IGSF8: variants seen among roughly 807,000 people sequenced by gnomAD.
IGSF8 encodes the protein CD81 partner 3.
In IGSF8, 46 loss-of-function variants were observed where a neutral mutation model predicts 55.5. The observed-to-expected ratio is 0.83, with a 90% CI of 0.65 to 1.06. The LOEUF (loss-of-function observed/expected upper bound fraction) is 1.06, where lower values mean the gene tolerates loss of function less well. Ranked by LOEUF, IGSF8 falls within the 50% of genes least tolerant of loss-of-function variation. The pLI is 0.00. For synonymous variants in IGSF8, 314 were observed against 356.1 expected (o/e 0.88, Z 1.33); for missense variants, 731 against 832.3 (o/e 0.88, Z 1.50).
Position 160,093,184 on chromosome 1 carries a change from C to T in IGSF8, c.1052G>A (p.Gly351Glu), listed in dbSNP as rs749719696. 1 of 1,613,644 alleles carries T rather than the reference C, an allele frequency of 6.2e-7. No individual in the cohort carries two copies. The highest frequency in any genetic ancestry group is 1.1e-5 in the South Asian group (1 of 91,010). The change falls in exon 4 of 7, where the codon GGG becomes GAG. Residue 351 changes from glycine to glutamate, a missense_variant. Coordinates refer to ENST00000314485, the MANE Select transcript of IGSF8 (RefSeq NM_052868.6). ...TACCAGGCGGCCGGGCCCAGGTGCC[C>T]CCGCAGGTGCCATCTCCCAACCTAC... is the stretch of plus-strand genomic sequence containing the variant. ...YSVGWEMAPA[G>E]APGPGRLVAQ...
At chr1:160,098,029 C>T (rs1570967641) in intron 1 of IGSF8, 1 of 973,734 alleles carries the variant, frequency 1.0e-6, no homozygotes, top group Non-Finnish European at 1.2e-6. Context: ...CAGGCACTGC[C>T]CTCGTAGGGC....
chr1:160,096,294 G>A (rs1650431000), intron 1 of IGSF8, among the ~76,000 whole-genome samples: 1 of 152,124 alleles, frequency 6.6e-6, no homozygotes, highest in Admixed American at 6.6e-5. Context: ...CAATTTTACA[G>A]ATGAGAAAGG....
At chr1:160,097,865 G>T (rs1199598845) in intron 1 of IGSF8, 4 of 985,356 alleles carry the variant, frequency 4.1e-6, no homozygotes, top group Non-Finnish European at 4.8e-6. Flanking sequence ...GGGCAAAGAG[G>T]GACCCAACCC....
At position 160,092,962 on chromosome 1, in the gene IGSF8, G is replaced by T; in HGVS notation, c.1274C>A (p.Ala425Asp). 3 of 1,609,884 alleles carry T rather than the reference G, an allele frequency of 1.9e-6. No homozygotes were observed. In the African/African-American group the frequency reaches 4.0e-5, roughly 22 times the overall value. Residue 425 changes from alanine to aspartate, a missense_variant, in exon 4 of 7, where the codon GCC becomes GAC. Transcript: ENST00000314485. Reference sequence around the variant, plus strand: ...ATGTACAGGGAGAGGCCGGGAACGGGCACTGGCTGCTTCACGAAGCCGGGT... The same window carrying T: ...ATGTACAGGGAGAGGCCGGGAACGGTCACTGGCTGCTTCACGAAGCCGGGT... Reference protein sequence around the residue: ...SGTRLREAASARSRPLPVHVR... With the variant: ...SGTRLREAASDRSRPLPVHVR...
rs779573366 is a variant in IGSF8, at chr1:160,094,003, CGCCCAAAGGACACT to C, written c.597_610del (p.Val200IlefsTer32). The C allele has an allele frequency of 4.3e-6, 7 of 1,614,124 alleles. No homozygotes were observed. In the Admixed American group the frequency reaches 1.2e-4, roughly 27 times the overall value. Reference sequence around the variant, plus strand: ...CCCAACTGGTGCCTCGGGCACAGATCGCCCAAAGGACACTGCCAGGTGTGTGTGCTTCTGTGTGC... The same window carrying C: ...CCCAACTGGTGCCTCGGGCACAGATCGCCAGGTGTGTGTGCTTCTGTGTGC... On this transcript the variant is annotated frameshift_variant, in exon 3 of 7. Coordinates refer to ENST00000314485, the MANE Select transcript of IGSF8 (RefSeq NM_052868.6). LOFTEE classifies it high-confidence loss of function. This position sits in a 1 kb window ranked among gnomAD's most constrained non-coding sequence, Gnocchi z 4.0.
rs1055010832 is a variant in IGSF8, at chr1:160,091,958, T to C, written c.1727-20A>G. 1 of 1,506,740 alleles carries C rather than the reference T, an allele frequency of 6.6e-7. No homozygotes were observed. Among genetic ancestry groups the C allele is most frequent in the Non-Finnish European group, 9.2e-7 (1 of 1,082,440 alleles). The allele number at this position is 1,506,740 out of a possible 1,614,324, so 93.3% of individuals were successfully genotyped here. On this transcript the variant is annotated intron_variant, in intron 5 of 6. Coordinates refer to ENST00000314485, the MANE Select transcript of IGSF8 (RefSeq NM_052868.6). ...CCAGGGCTGGGGGAGAGAGGATGAC[T>C]GTTCAGAGAGGATGCCATCATCCTC...
chr1:160,097,873 C>T, intron 1 of IGSF8: 1 of 985,458 alleles, frequency 1.0e-6, no homozygotes, highest in Non-Finnish European at 1.2e-6. Flanking sequence ...AGGGACCCAA[C>T]CCAGGGTGGA....
Position 160,093,197 on chromosome 1 carries a change from TC to T in IGSF8, c.1038del (p.Met347TrpfsTer13). ...GRHAAYSVGW[E>X]MAPAGAPGPG... ...GGCCCAGGTGCCCCCGCAGGTGCCA[TC>T]TCCCAACCTACAGAGTATGCAGCAT... On this transcript the variant is annotated frameshift_variant, in exon 4 of 7. Coordinates refer to ENST00000314485, the MANE Select transcript of IGSF8 (RefSeq NM_052868.6). LOFTEE classifies it high-confidence loss of function. 6.2e-7 allele frequency: 1 copy of T among 1,613,872 alleles called. No homozygotes were observed. Among genetic ancestry groups the T allele is most frequent in the African/African-American group, 1.3e-5 (1 of 75,030 alleles).
intron 5 of IGSF8, 140 bp from the exon 6 acceptor site, chr1:160,092,078 C>T: frequency 1.2e-6 from 1 of 806,324 alleles, no homozygotes; most frequent in Admixed American, 2.2e-5. Flanking sequence ...CAGCCTGCCC[C>T]CTCAGCATGC....
chr1:160,096,141 C>T (rs1026315039), intron 1 of IGSF8, among the ~76,000 whole-genome samples: 1 of 152,144 alleles, frequency 6.6e-6, no homozygotes, highest in Admixed American at 6.5e-5. Context: ...CTACTCCACC[C>T]CTATGCCCAA....
chr1:160,092,366 C>T lies in IGSF8; in HGVS notation c.1642G>A (p.Ala548Thr), dbSNP rs1030236172. 10 of 1,613,684 alleles carry T rather than the reference C, an allele frequency of 6.2e-6. No homozygotes were observed. The highest frequency in any genetic ancestry group is 1.6e-4 in the Middle Eastern group (1 of 6,078). Residue 548 changes from alanine to threonine, a missense_variant, in exon 5 of 7, where the codon GCC (alanine) becomes ACC (threonine). Transcript: ENST00000314485. Reference protein sequence around the residue: ...DEGVYHCAPSAWVQHADYSWY... With the variant: ...DEGVYHCAPSTWVQHADYSWY... ...CTGTAGTCGGCATGCTGCACCCAGG[C>T]GCTGGGGGCACAGTGGTACACGCCT...
upstream of IGSF8, among the ~76,000 whole-genome samples, chr1:160,099,098 G>C (rs1361453840): frequency 2.7e-4 from 35 of 131,456 alleles, no homozygotes; most frequent in Admixed American, 7.6e-4. Context: ...CCTGGACCCC[G>C]GCCTCGCCCC....
intron 1 of IGSF8, among the ~76,000 whole-genome samples, chr1:160,096,434 C>T (rs1650440218): frequency 6.6e-6 from 1 of 152,312 alleles, no homozygotes; most frequent in African/African-American, 2.4e-5. Context: ...AAGGGACTGA[C>T]CTCACCAACC....
chr1:160,093,232 G>C lies in IGSF8; in HGVS notation c.1004C>G (p.Ala335Gly), dbSNP rs765806454. ...TACAGAGTATGCAGCATGACGGCCT[G>C]CTGGGGGAAGTGCCCCTGACACATT... The part of the protein sequence containing the change: ...LCNVSGALPP[A>G]GRHAAYSVGW... Residue 335 changes from alanine (A) to glycine (G), a missense_variant, in exon 4 of 7, where the codon GCA becomes GGA. Ala to Gly is a moderately conservative substitution (Grantham distance 60, BLOSUM62 0). Coordinates refer to ENST00000314485, the MANE Select transcript of IGSF8 (RefSeq NM_052868.6). The C allele has an allele frequency of 3.3e-5, 54 of 1,614,006 alleles. No homozygotes were observed. The Admixed American group carries it at 8.3e-4, about 25-fold the overall frequency.
Position 160,093,218 on chromosome 1 carries a change from C to T in IGSF8, c.1018G>A (p.Ala340Thr). ...GALPPAGRHA[A>T]YSVGWEMAPA... ...GCCATCTCCCAACCTACAGAGTATG[C>T]AGCATGACGGCCTGCTGGGGGAAGT... The change falls in exon 4 of 7, where the codon GCA (alanine) becomes ACA (threonine). Residue 340 changes from alanine (A) to threonine (T), a missense_variant. Physicochemically the swap from Ala to Thr is moderately conservative, Grantham distance 58. Coordinates refer to ENST00000314485, the MANE Select transcript of IGSF8 (RefSeq NM_052868.6). 1.9e-6 allele frequency: 3 copies of T among 1,614,030 alleles called. No individual in the cohort carries two copies. The South Asian group carries it at 3.3e-5, about 18-fold the overall frequency.
At chr1:160,099,077 C>T (rs1305314867), upstream of IGSF8, 1 of 145,596 alleles carries the variant, frequency 6.9e-6, no homozygotes, top group Admixed American at 6.9e-5. Flanking sequence ...AGCCTCCAAT[C>T]CTGGCTCCGC....
At position 160,098,518 on chromosome 1, in the gene IGSF8, C is replaced by T; in HGVS notation, c.-46G>A. The T allele has an allele frequency of 7.1e-7, 1 of 1,407,188 alleles. No individual in the cohort carries two copies. Among genetic ancestry groups the T allele is most frequent in the Non-Finnish European group, 9.5e-7 (1 of 1,056,422 alleles). 87.2% of individuals were successfully genotyped at this position (1,407,188 alleles called of 1,614,324 possible). ...GAGGCTCCGGGGGATGGCGCGGGTT[C>T]TGGGGGGCCGGAAGGGTGGGGGGCG... On this transcript the variant is annotated 5_prime_UTR_variant, in exon 1 of 7. Coordinates refer to ENST00000314485, the MANE Select transcript of IGSF8 (RefSeq NM_052868.6).
At position 160,095,198 on chromosome 1, in the gene IGSF8, T is replaced by C; in HGVS notation, c.113A>G (p.Tyr38Cys). Residue 38 changes from tyrosine to cysteine, a missense_variant, in exon 2 of 7, where the codon TAC becomes TGC. Coordinates refer to ENST00000314485, the MANE Select transcript of IGSF8 (RefSeq NM_052868.6). ...REVLVPEGPLYRVAGTAVSIS... is the reference protein window; with the variant it reads ...REVLVPEGPLCRVAGTAVSIS... ...GGAGACAGCTGTGCCAGCCACGCGG[T>C]ACAAGGGCCCCTCGGGGACCAGCAC... 6.2e-7 allele frequency: 1 copy of C among 1,609,524 alleles called. No individual in the cohort carries two copies. Among genetic ancestry groups the C allele is most frequent in the African/African-American group, 1.3e-5 (1 of 75,024 alleles).
In IGSF8 at chr1:160,093,105, T is replaced by A. The variant is rs1200260129; in HGVS notation, c.1131A>T (p.Arg377=). 1.2e-6 allele frequency: 2 copies of A among 1,613,896 alleles called. No homozygotes were observed. The highest frequency in any genetic ancestry group is 3.3e-5 in the Admixed American group (2 of 60,014). ...ATGCCACCTTCTCCATGGCAATGTGTCGGCCCTCATAGCCAGGGCCCAGGC... is the reference window on the plus strand; with the variant it reads ...ATGCCACCTTCTCCATGGCAATGTGACGGCCCTCATAGCCAGGGCCCAGGC... ...VGSLGPGYEG[R]HIAMEKVASR... is the part of the protein sequence containing the mutation. Residue 377 remains arginine, a synonymous_variant, in exon 4 of 7, where the codon CGA becomes CGT. Coordinates refer to ENST00000314485, the MANE Select transcript of IGSF8 (RefSeq NM_052868.6).
Sources: gnomAD v4.1 joint callset for allele counts (sites outside exome capture counted in the v4.1 genomes callset) on GRCh38, gnomAD v4.1.1 for gene constraint, Gnocchi (gnomAD v3.1) non-coding constraint, MANE v1.5 for transcripts, NCBI Gene and HGNC (gene_info 2026-07-23, HGNC 2026-07-21) for gene names.